Variants in EFR3A observed in about 807,000 individuals in gnomAD.
EFR3A encodes EFR3 homolog A, also known as protein EFR3 homolog A.
Under a neutral mutation model 104.4 loss-of-function variants are expected in EFR3A, and 76 were observed. The observed-to-expected ratio is 0.73, with a 90% CI of 0.60 to 0.88. EFR3A has a LOEUF of 0.88. Among genes scored for constraint, EFR3A ranks in the 40% least tolerant of loss-of-function variants. The pLI, the probability that EFR3A is intolerant of heterozygous loss-of-function variation, is 0.00. For missense variants in EFR3A, 985 were observed against 1,012.5 expected (o/e 0.97, Z 0.37); for synonymous variants, 330 against 330.0 (o/e 1.00, Z 0.00).
intron 8 of EFR3A, among the ~76,000 whole-genome samples, chr8:131,961,838 C>G (rs1348044371): frequency 6.6e-6 from 1 of 152,128 alleles, no homozygotes; most frequent in Non-Finnish European, 1.5e-5. Flanking sequence ...AAAGGGAAGC[C>G]CATCAGAGTA....
Position 132,010,897 on chromosome 8 carries a change from C to T in EFR3A, c.*2C>T, listed in dbSNP as rs181116646. Reference sequence around the variant, plus strand: ...TTTCCAGATCTGTGTGTGTACTGATCGGCGCATGAAGACCTCAGGATATGA... The same window carrying T: ...TTTCCAGATCTGTGTGTGTACTGATTGGCGCATGAAGACCTCAGGATATGA... On this transcript the variant is annotated 3_prime_UTR_variant, in exon 23 of 23. Coordinates refer to ENST00000254624, the MANE Select transcript of EFR3A (RefSeq NM_015137.6). 2.4e-5 allele frequency: 39 copies of T among 1,595,778 alleles called. No homozygotes were observed. The Admixed American group carries it at 3.5e-4, about 14-fold the overall frequency.
chr8:131,947,394 T>C (rs1818492848), intron 4 of EFR3A, among the ~76,000 whole-genome samples: 1 of 152,084 alleles, frequency 6.6e-6, no homozygotes, highest in South Asian at 2.1e-4. Flanking sequence ...AAGTTCTTTA[T>C]ATATTCTTGA....
Position 131,979,345 on chromosome 8 carries a change from G to C in EFR3A, c.1500-1G>C, listed in dbSNP as rs1820484877. On this transcript the variant is annotated splice_acceptor_variant, in intron 13 of 22. Transcript: ENST00000254624. LOFTEE classifies it high-confidence loss of function. ...AAAAATGATATATTGATCGTCTCTA[G>C]AATAATACCGGATGTAGCTGACCTA... is the stretch of plus-strand genomic sequence containing the variant. The C allele has an allele frequency of 6.4e-7, 1 of 1,554,928 alleles. No homozygotes were observed. The highest frequency in any genetic ancestry group is 8.7e-7 in the Non-Finnish European group (1 of 1,146,608).
chr8:131,966,873 C>T (rs776537330), intron 8 of EFR3A, among the ~76,000 whole-genome samples: 2 of 152,172 alleles, frequency 1.3e-5, no homozygotes, highest in Non-Finnish European at 2.9e-5. Context: ...TACGTCTTCT[C>T]ACTTTCCTTC....
intron 2 of EFR3A, among the ~76,000 whole-genome samples, chr8:131,943,316 A>T (rs1810652175): frequency 6.6e-6 from 1 of 152,082 alleles, no homozygotes; most frequent in Admixed American, 6.6e-5. Context: ...TTCCAATTAT[A>T]TACCGTAAGT....
rs899937326 is a variant in EFR3A at position 131,904,291 on chromosome 8, G to A, written c.-22G>A. 443 of 1,269,960 alleles carry A rather than the reference G, an allele frequency of 3.5e-4. No homozygotes were observed. Among genetic ancestry groups the A allele is most frequent in the Non-Finnish European group, 4.3e-4 (429 of 1,007,000 alleles). 78.7% of individuals were successfully genotyped at this position (1,269,960 alleles called of 1,614,324 possible). On this transcript the variant is annotated 5_prime_UTR_variant, in exon 1 of 23. Transcript: ENST00000254624. ...CGGCCCCGCTGAGCCTCGGTGCGGC[G>A]GCGAGCGCGGTCGAGATCGCCATGC...
intron 1 of EFR3A, among the ~76,000 whole-genome samples, chr8:131,919,245 G>A (rs1276472662): frequency 2.0e-5 from 3 of 152,100 alleles, no homozygotes; most frequent in Non-Finnish European, 2.9e-5. Flanking sequence ...TAAGTATACC[G>A]AAGGAAATGA....
intron 22 of EFR3A, among the ~76,000 whole-genome samples, chr8:132,008,757 T>C (rs1822166186): frequency 6.9e-6 from 1 of 144,664 alleles, no homozygotes; most frequent in Non-Finnish European, 1.5e-5. Context: ...AAGTGTTCAG[T>C]ATCTCTTGAA....
intron 1 of EFR3A, among the ~76,000 whole-genome samples, chr8:131,934,511 C>T (rs191761615): frequency 3.2e-4 from 48 of 152,196 alleles, no homozygotes; most frequent in Middle Eastern, 6.8e-3. Context: ...TGTTTTAAAA[C>T]TTAATTTTTA....
At position 131,904,331 on chromosome 8, in the gene EFR3A, C is replaced by T; in HGVS notation, c.10+9C>T. ...GATCGCCATGCCTACCCGTGAGTGG[C>T]CGGCCGAGGGCCGGGGGCGTTGGGA... On this transcript the variant is annotated intron_variant, in intron 1 of 22. Transcript: ENST00000254624. 2 of 1,253,316 alleles carry T rather than the reference C, an allele frequency of 1.6e-6. No homozygotes were observed. The highest frequency in any genetic ancestry group is 6.2e-5 in the South Asian group (2 of 32,116). The allele number at this position is 1,253,316 out of a possible 1,614,324, so 77.6% of individuals were successfully genotyped here. A position where few individuals can be genotyped will look rare whatever the true frequency, so the allele number is the denominator to read the frequency against.
chr8:131,943,412 G>A (rs570944832), intron 2 of EFR3A, among the ~76,000 whole-genome samples: 21 of 152,076 alleles, frequency 1.4e-4, no homozygotes, highest in African/African-American at 5.1e-4. Flanking sequence ...TTATTTCAAT[G>A]ATGATGTGGA....
rs1309667962 is a variant in EFR3A at position 132,013,170 on chromosome 8, AACTC to A, written c.*2277_*2280del. 1 of 152,274 alleles carries A rather than the reference AACTC, an allele frequency of 6.6e-6. No individual in the cohort carries two copies. The highest frequency in any genetic ancestry group is 1.5e-5 in the Non-Finnish European group (1 of 68,034). The allele number at this position is 152,274 out of a possible 1,614,324, so 9.4% of individuals were successfully genotyped here. Reference sequence around the variant, plus strand: ...TTGCTATATTTTTGTAGATAAATAAAACTCAATAAATTGTTAATCATTCTCTTTT... The same window carrying A: ...TTGCTATATTTTTGTAGATAAATAAAAATAAATTGTTAATCATTCTCTTTT... On this transcript the variant is annotated 3_prime_UTR_variant, in exon 23 of 23. Coordinates refer to ENST00000254624, the MANE Select transcript of EFR3A (RefSeq NM_015137.6).
chr8:131,957,475 C>A (rs965705122), intron 7 of EFR3A, among the ~76,000 whole-genome samples: 1 of 151,662 alleles, frequency 6.6e-6, no homozygotes, highest in Non-Finnish European at 1.5e-5. Context: ...CTCAGCCTCC[C>A]GAGTAGCTTG....
At chr8:131,981,731 G>A (rs1271719556) in intron 14 of EFR3A, among the ~76,000 whole-genome samples, 1 of 152,020 alleles carries the variant, frequency 6.6e-6, no homozygotes, top group African/African-American at 2.4e-5. Flanking sequence ...TCAGGCAACT[G>A]TGTCTTAAAT....
At chr8:131,975,640 T>C (rs1263170989) in intron 10 of EFR3A, among the ~76,000 whole-genome samples, 1 of 152,068 alleles carries the variant, frequency 6.6e-6, no homozygotes, top group Non-Finnish European at 1.5e-5. Context: ...GGTCTCGAAC[T>C]CCCAACCTCA....
chr8:131,992,510 A>G (rs1821243265), intron 18 of EFR3A, among the ~76,000 whole-genome samples: 1 of 152,184 alleles, frequency 6.6e-6, no homozygotes, highest in Non-Finnish European at 1.5e-5. Flanking sequence ...GTCAGACATC[A>G]GTGTACATGA....
intron 1 of EFR3A, among the ~76,000 whole-genome samples, chr8:131,924,000 G>T (rs1455990287): frequency 6.6e-6 from 1 of 151,982 alleles, no homozygotes; most frequent in Non-Finnish European, 1.5e-5. Context: ...TAGTATCAGA[G>T]ACTTAGTATC....
At chr8:131,980,529 TA>T (rs999348331) in intron 14 of EFR3A, among the ~76,000 whole-genome samples, 14 of 152,100 alleles carry the variant, frequency 9.2e-5, no homozygotes, top group African/African-American at 2.7e-4. Context: ...TTTTTTAAAA[TA>T]TTTTTTATTG....
chr8:131,933,548 A>C (rs1168060371), intron 1 of EFR3A, among the ~76,000 whole-genome samples: 1 of 152,162 alleles, frequency 6.6e-6, no homozygotes, highest in East Asian at 1.9e-4. Context: ...CTCTCAGAAT[A>C]ATATTTTCCA....
Sources: gnomAD v4.1 joint callset for allele counts (sites outside exome capture counted in the v4.1 genomes callset) on GRCh38, gnomAD v4.1.1 for gene constraint, MANE v1.5 for transcripts, NCBI Gene and HGNC (gene_info 2026-07-23, HGNC 2026-07-21) for gene names.